PRKN: variants seen among roughly 807,000 people sequenced by gnomAD.
The protein encoded by PRKN is parkin RBR E3 ubiquitin protein ligase.
A neutral mutation model predicts 59.5 loss-of-function variants in PRKN; 56 were observed. That is an observed-to-expected ratio of 0.94 (90% CI 0.76 to 1.18). The LOEUF is 1.18. PRKN is among the 50% of genes most tolerant of loss of function. The probability of loss-of-function intolerance (pLI) is 0.00; values close to 1 mark genes in which losing one functional copy is unlikely to be tolerated. For synonymous variants in PRKN, 250 were observed against 222.1 expected, an observed-to-expected ratio of 1.13 and a Z score of -1.12; for missense variants, 657 against 596.4, an observed-to-expected ratio of 1.10 and a Z score of -1.06.
chr6:161,849,049 A>T (rs904517509), intron 6 of PRKN, among the ~76,000 whole-genome samples: 1 of 152,210 alleles, frequency 6.6e-6, no homozygotes, highest in African/African-American at 2.4e-5. Context: ...AGGCAGTTCC[A>T]GATGAGGTGC....
chr6:161,771,549 T>C (rs1175141796), intron 7 of PRKN, among the ~76,000 whole-genome samples: 1 of 152,122 alleles, frequency 6.6e-6, no homozygotes, highest in Non-Finnish European at 1.5e-5. Flanking sequence ...CTGCCTTTTG[T>C]ACAGTGTTTT....
intron 7 of PRKN, 136 bp from the exon 8 acceptor site, chr6:161,569,552 T>G (rs1157316090): frequency 1.3e-5 from 10 of 763,782 alleles, no homozygotes; most frequent in African/African-American, 8.6e-5. Context: ...AAAACACACA[T>G]CTAACCAACC....
chr6:162,475,291 A>G (rs1015757336), intron 1 of PRKN, among the ~76,000 whole-genome samples: 4 of 152,350 alleles, frequency 2.6e-5, no homozygotes, highest in Middle Eastern at 3.4e-3. Flanking sequence ...CTTATTGGGT[A>G]TAAGGACATC....
chr6:162,105,548 T>C (rs1181531368), intron 4 of PRKN, among the ~76,000 whole-genome samples: 2 of 152,092 alleles, frequency 1.3e-5, no homozygotes, highest in Non-Finnish European at 2.9e-5. Flanking sequence ...ACTACAGGCG[T>C]GTGCCACCAC....
chr6:161,653,130 G>A (rs773214383), intron 7 of PRKN, among the ~76,000 whole-genome samples: 5 of 152,222 alleles, frequency 3.3e-5, no homozygotes, highest in East Asian at 1.9e-4. Context: ...TTGGGAGGCC[G>A]AGGTGGGTGG....
chr6:161,688,881 A>C (rs1172222036), intron 7 of PRKN, among the ~76,000 whole-genome samples: 1 of 152,150 alleles, frequency 6.6e-6, no homozygotes, highest in African/African-American at 2.4e-5. Flanking sequence ...TGACGTGGAC[A>C]TGGAAGGAAA....
At chr6:162,654,923 C>A (rs1396791774) in intron 1 of PRKN, among the ~76,000 whole-genome samples, 1 of 151,888 alleles carries the variant, frequency 6.6e-6, no homozygotes, top group African/African-American at 2.4e-5. Context: ...CGGGACACAG[C>A]CAAACCATAT....
intron 3 of PRKN, among the ~76,000 whole-genome samples, chr6:162,204,026 A>G (rs1178776772): frequency 6.6e-6 from 1 of 152,116 alleles, no homozygotes; most frequent in Non-Finnish European, 1.5e-5. Context: ...CACATATACT[A>G]CATGTATAAA....
intron 2 of PRKN, among the ~76,000 whole-genome samples, chr6:162,320,362 C>CAAAAAAAAAAAAAAAAAAAAAAA (rs55793911): frequency 2.7e-4 from 2 of 7,286 alleles, no homozygotes; most frequent in Non-Finnish European, 5.0e-4. Context: ...TACAAAAAGC[C>CAAAAAAAAAAAAAAAAAAAAAAA]AAAAAAAAAA....
At chr6:162,248,142 G>A (rs1325861384) in intron 3 of PRKN, among the ~76,000 whole-genome samples, 1 of 152,168 alleles carries the variant, frequency 6.6e-6, no homozygotes, top group African/African-American at 2.4e-5. Context: ...TATGGAATGA[G>A]CTGTCAAATC....
Position 162,638,925 on chromosome 6 carries a change from T to C in PRKN, c.7+88737A>G, listed in dbSNP as rs528362452. Among the ~76,000 whole-genome samples, 591 of 152,074 alleles carry C rather than the reference T, an allele frequency of 3.9e-3. 2 individuals are homozygous for C. The highest frequency in any genetic ancestry group is 6.3e-3 in the Non-Finnish European group (431 of 67,990). ...ACACCCAGCTAATTTTTTATATTTT[T>C]AGTAGAGACGGGGTTTCACTATGTT... On this transcript the variant is annotated intron_variant, in intron 1 of 11. Transcript: ENST00000366898.
intron 1 of PRKN, among the ~76,000 whole-genome samples, chr6:162,545,447 C>T (rs1394691731): frequency 6.6e-6 from 1 of 152,072 alleles, no homozygotes; most frequent in Non-Finnish European, 1.5e-5. Flanking sequence ...GCAAATAAAA[C>T]ATACCAGGAT....
At chr6:162,636,109 C>T (rs1166797019) in intron 1 of PRKN, among the ~76,000 whole-genome samples, 1 of 151,918 alleles carries the variant, frequency 6.6e-6, no homozygotes, top group Non-Finnish European at 1.5e-5. Flanking sequence ...AGGCACTTGC[C>T]AAATATCAGC....
chr6:162,030,285 C>G lies in PRKN; in HGVS notation c.618+23806G>C, dbSNP rs370909863. Among the ~76,000 whole-genome samples the G allele has an allele frequency of 1.3e-3, 191 of 152,302 alleles. 2 individuals are homozygous for G. The highest frequency in any genetic ancestry group is 6.8e-3 in the Middle Eastern group (2 of 292). On this transcript the variant is annotated intron_variant, in intron 5 of 11. Coordinates refer to ENST00000366898, the MANE Select transcript of PRKN (RefSeq NM_004562.3). ...GATGTTGCCTCCCATGTTACTGCAG[C>G]TCCCCGTTATCTGCCCATCTCCACT...
intron 7 of PRKN, among the ~76,000 whole-genome samples, chr6:161,716,914 A>G (rs1787006992): frequency 6.6e-6 from 1 of 152,210 alleles, no homozygotes; most frequent in Non-Finnish European, 1.5e-5. Flanking sequence ...GGGAAAGACA[A>G]GATGAGCCTG....
intron 1 of PRKN, among the ~76,000 whole-genome samples, chr6:162,465,152 A>G (rs1366161585): frequency 6.6e-6 from 1 of 152,204 alleles, no homozygotes; most frequent in Non-Finnish European, 1.5e-5. Flanking sequence ...CATCACTTCT[A>G]TGAACATTTT....
chr6:162,528,067 GCGGGGGGGCGGGA>G (rs1562358470), intron 1 of PRKN, among the ~76,000 whole-genome samples: 1 of 107,886 alleles, frequency 9.3e-6, no homozygotes, highest in African/African-American at 2.9e-5. Context: ...TCGGGGGAGG[GCGGGGGGGCGGGA>G]GGGGTGCGGG....
intron 1 of PRKN, among the ~76,000 whole-genome samples, chr6:162,696,542 A>G (rs1284291203): frequency 1.5e-5 from 2 of 137,698 alleles, no homozygotes; most frequent in Non-Finnish European, 3.2e-5. Flanking sequence ...TGTTCAAATG[A>G]TTTGTGTCAG....
chr6:162,587,863 G>A (rs939928329), intron 1 of PRKN, among the ~76,000 whole-genome samples: 4 of 151,952 alleles, frequency 2.6e-5, no homozygotes, highest in African/African-American at 9.7e-5. Context: ...GCAGAATAAA[G>A]GGAGAGAAAA....
Sources: allele counts gnomAD v4.1 joint callset (sites outside exome capture counted in the v4.1 genomes callset), GRCh38; gene constraint gnomAD v4.1.1; transcripts MANE v1.5; gene names NCBI Gene and HGNC (gene_info 2026-07-23, HGNC 2026-07-21).